The following NBPF26 variants were observed in gnomAD, a reference collection of about 807,000 sequenced individuals.
NBPF26 encodes the protein NBPF member 26.
NBPF26 carries 79 observed loss-of-function variants against 119.6 expected under a neutral mutation model. The ratio of observed to expected loss-of-function variants is 0.66; its 90% CI spans 0.55 to 0.80. NBPF26 has a LOEUF of 0.80. Ranked by LOEUF, NBPF26 falls within the 30% of genes least tolerant of loss-of-function variation. The probability of loss-of-function intolerance (pLI) is 0.00; values close to 1 mark genes in which losing one functional copy is unlikely to be tolerated. For synonymous variants in NBPF26, 299 were observed against 457.7 expected (o/e 0.65, Z 4.43); for missense variants, 800 against 1,198.2 (o/e 0.67, Z 4.91).
rs1651667717 is a variant in NBPF26, at chr1:120,805,798, A to C, written c.961+33A>C. 7 of 1,299,234 alleles carry C rather than the reference A, an allele frequency of 5.4e-6. 2 individuals are homozygous for C. Among genetic ancestry groups the C allele is most frequent in the African/African-American group, 4.7e-5 (2 of 42,730 alleles). The allele number at this position is 1,299,234 out of a possible 1,614,324, so 80.5% of individuals were successfully genotyped here. On this transcript the variant is annotated intron_variant, in intron 5 of 29. Transcript: ENST00000620612. ...CTATAGGCTCACCATCATGAAAGTG[A>C]TGAATGATATCCTGTCTTCTCTCTG...
chr1:120,833,373 GTCTCTGTCTCTC>G (rs1246269381), intron 23 of NBPF26, among the ~76,000 whole-genome samples: 6 of 62,366 alleles, frequency 9.6e-5, no homozygotes, highest in South Asian at 5.9e-4. Flanking sequence ...CTTTCTCTCT[GTCTCTGTCTCTC>G]TCTCTGTCTC....
chr1:120,813,596 C>T (rs1245921820), intron 10 of NBPF26, among the ~76,000 whole-genome samples: 1 of 127,544 alleles, frequency 7.8e-6, no homozygotes, highest in Admixed American at 7.5e-5. Flanking sequence ...AGTGGCCCCG[C>T]ATTCAGAGTC....
Position 120,743,776 on chromosome 1 carries a change from G to T in NBPF26, c.73+19526G>T. Among the ~76,000 whole-genome samples, 2 of 125,074 alleles carry T rather than the reference G, an allele frequency of 1.6e-5. 1 individual carries two copies. The highest frequency in any genetic ancestry group is 4.3e-4 in the East Asian group (2 of 4,622). 82.1% of individuals were successfully genotyped at this position (125,074 alleles called of 152,430 possible). On this transcript the variant is annotated intron_variant, in intron 1 of 29. Transcript: ENST00000620612. ...GCCTGCATTCCAGAAGTTCTGGTATGGATAGTGTGAGCCCAGGGAATGTGC... is the reference window on the plus strand; with the variant it reads ...GCCTGCATTCCAGAAGTTCTGGTATTGATAGTGTGAGCCCAGGGAATGTGC...
Position 120,811,811 on chromosome 1 carries a change from T to A in NBPF26, c.1565-75T>A, listed in dbSNP as rs1651873613. Reference sequence around the variant, plus strand: ...TAAGTAAACAAGGCTACCAGTGACATCCCTCAGTCCTGATTAAGCCTATTT... The same window carrying A: ...TAAGTAAACAAGGCTACCAGTGACAACCCTCAGTCCTGATTAAGCCTATTT... On this transcript the variant is annotated intron_variant, in intron 9 of 29. Transcript: ENST00000620612. 14 of 693,740 alleles carry A rather than the reference T, an allele frequency of 2.0e-5. 3 individuals are homozygous for A. The highest frequency in any genetic ancestry group is 3.0e-5 in the Non-Finnish European group (12 of 402,230). The allele number at this position is 693,740 out of a possible 1,614,324, so 43.0% of individuals were successfully genotyped here.
At chr1:120,724,740 G>C (rs1395648967) in intron 1 of NBPF26, among the ~76,000 whole-genome samples, 1 of 121,294 alleles carries the variant, frequency 8.2e-6, no homozygotes, top group East Asian at 2.1e-4. Context: ...GGCGGCACAT[G>C]GGCCGGGTGT....
At chr1:120,724,027 G>T in exon 1 of NBPF26, 1 of 1,246,860 alleles carries the variant, frequency 8.0e-7, no homozygotes, top group South Asian at 1.7e-5. Flanking sequence ...TTGCACCTGG[G>T]CTTCGGAGCG....
chr1:120,798,609 ATTTTC>A (rs1202034115), intron 4 of NBPF26, among the ~76,000 whole-genome samples: 3 of 86,904 alleles, frequency 3.5e-5, no homozygotes, highest in African/African-American at 1.6e-4. Context: ...GGCATGCGTC[ATTTTC>A]TTTTCTTTTC....
chr1:120,813,875 G>T lies in NBPF26; in HGVS notation c.1775-16G>T. ...TCCAGCCTTCCACTGAGGCAGGTGT[G>T]TCTGTCTTTTCTCAGAATATGAAGA... On this transcript the variant is annotated splice_polypyrimidine_tract_variant and intron_variant, in intron 10 of 29. Coordinates refer to ENST00000620612, the Ensembl canonical transcript of NBPF26. 2.0e-6 allele frequency: 3 copies of T among 1,463,626 alleles called. 1 individual carries two copies. The highest frequency in any genetic ancestry group is 2.8e-6 in the Non-Finnish European group (3 of 1,079,716). The allele number at this position is 1,463,626 out of a possible 1,614,324, so 90.7% of individuals were successfully genotyped here. A position where few individuals can be genotyped will look rare whatever the true frequency, so the allele number is the denominator to read the frequency against.
chr1:120,823,752 C>CTGTGTG (rs1177031452), intron 17 of NBPF26, among the ~76,000 whole-genome samples: 1,660 of 73,366 alleles, frequency 0.023, 288 homozygotes, highest in African/African-American at 0.041. Flanking sequence ...TGAGCTCGCT[C>CTGTGTG]TGTGTGTGTG....
chr1:120,811,033 G>T (rs1356614919), intron 9 of NBPF26, among the ~76,000 whole-genome samples: 1 of 101,442 alleles, frequency 9.9e-6, no homozygotes, highest in African/African-American at 6.3e-5. Context: ...GAGGTCAGGA[G>T]ATTGAGACCA....
intron 1 of NBPF26, among the ~76,000 whole-genome samples, chr1:120,759,901 A>G (rs1651115447): frequency 9.5e-6 from 1 of 105,650 alleles, no homozygotes; most frequent in South Asian, 2.7e-4. Flanking sequence ...ACTCTATGCA[A>G]TATATCTCAA....
At chr1:120,810,228 C>G in intron 8 of NBPF26, 119 bp from the exon 9 acceptor site, 5 of 1,236,170 alleles carry the variant, frequency 4.0e-6, no homozygotes, top group Non-Finnish European at 5.6e-6. Context: ...AAGGGAACCT[C>G]CGTTTTGCTT....
At chr1:120,810,977 A>T (rs2101507134) in intron 9 of NBPF26, among the ~76,000 whole-genome samples, 1 of 106,396 alleles carries the variant, frequency 9.4e-6, no homozygotes, top group South Asian at 2.7e-4. Context: ...GCAGTGGGTC[A>T]CACCTGTAAT....
rs1459131436 is a variant in NBPF26, at chr1:120,767,795, G to A, written c.155+4086G>A. On this transcript the variant is annotated intron_variant, in intron 2 of 29. Coordinates refer to ENST00000620612, the Ensembl canonical transcript of NBPF26. ...AATCCCAATTTGATTAAAGATCATGGACAACTCAAGTTCACTAGGATTCTG... is the reference window on the plus strand; with the variant it reads ...AATCCCAATTTGATTAAAGATCATGAACAACTCAAGTTCACTAGGATTCTG... 1.8e-5 allele frequency among the ~76,000 whole-genome samples: 2 copies of A among 112,022 alleles called. 1 individual carries two copies. Among genetic ancestry groups the A allele is most frequent in the Non-Finnish European group, 3.4e-5 (2 of 59,272 alleles). 73.5% of individuals were successfully genotyped at this position (112,022 alleles called of 152,430 possible).
chr1:120,793,790 G>C lies in NBPF26; in HGVS notation c.751+294G>C. 2.8e-5 allele frequency: 29 copies of C among 1,023,318 alleles called. 3 individuals are homozygous for C. The highest frequency in any genetic ancestry group is 4.0e-5 in the Non-Finnish European group (28 of 701,576). 63.4% of individuals were successfully genotyped at this position (1,023,318 alleles called of 1,614,324 possible). On this transcript the variant is annotated intron_variant, in intron 4 of 29. Transcript: ENST00000620612. ...GGAACAGAGCTCTGGGAAAGAGACA[G>C]GCAAGTCTGGAATGGAAAAGAACAC... is the stretch of plus-strand genomic sequence containing the variant.
intron 9 of NBPF26, among the ~76,000 whole-genome samples, chr1:120,810,993 C>G (rs2101507239): frequency 9.5e-6 from 1 of 105,500 alleles, no homozygotes; most frequent in East Asian, 2.2e-4. Flanking sequence ...GTAATCCGAG[C>G]ACTTTGGGAG....
intron 9 of NBPF26, among the ~76,000 whole-genome samples, chr1:120,811,682 T>G (rs1651870277): frequency 8.8e-6 from 1 of 113,042 alleles, no homozygotes; most frequent in East Asian, 2.1e-4. Flanking sequence ...AGTGTAGAAG[T>G]GTTTATGTCT....
Position 120,809,903 on chromosome 1 carries a change from A to C in NBPF26, c.1352+20A>C. 1 of 1,529,066 alleles carries C rather than the reference A, an allele frequency of 6.5e-7. No homozygotes were observed. The highest frequency in any genetic ancestry group is 1.1e-5 in the South Asian group (1 of 87,912). The allele number at this position is 1,529,066 out of a possible 1,614,324, so 94.7% of individuals were successfully genotyped here. A position where few individuals can be genotyped will look rare whatever the true frequency, so the allele number is the denominator to read the frequency against. On this transcript the variant is annotated intron_variant, in intron 8 of 29. Transcript: ENST00000620612. ...CCCCAGGTAACACTGAATACTCAGG[A>C]GCAAGTAATGGGTGGTAACATATGA... is the stretch of plus-strand genomic sequence containing the variant.
chr1:120,840,590 A>C lies in NBPF26; in HGVS notation c.4344A>C (p.Gln1448His), dbSNP rs1652496511. 11 of 1,463,086 alleles carry C rather than the reference A, an allele frequency of 7.5e-6. 2 individuals carry two copies. In the South Asian group the frequency reaches 1.2e-4, roughly 16 times the overall value. 90.6% of individuals were successfully genotyped at this position (1,463,086 alleles called of 1,614,324 possible). A position where few individuals can be genotyped will look rare whatever the true frequency, so the allele number is the denominator to read the frequency against. The change falls in exon 30 of 30, where the codon CAA becomes CAC. Residue 1448 changes from glutamine (Q) to histidine (H), a missense_variant. By Grantham distance (24) the Gln-to-His change is conservative (BLOSUM62 0). Coordinates refer to ENST00000620612, the Ensembl canonical transcript of NBPF26. ...TCCAGATGGGAGTCATATTCCCACA[A>C]TAAGCAGCCCTTACTAAGCCGAGAG...
Sources: allele counts gnomAD v4.1 joint callset (sites outside exome capture counted in the v4.1 genomes callset), GRCh38; gene constraint gnomAD v4.1.1; transcripts MANE v1.5; gene names NCBI Gene and HGNC (gene_info 2026-07-23, HGNC 2026-07-21).